Variants in LDAH observed in about 807,000 individuals in gnomAD.
LDAH encodes the protein lipid droplet associated hydrolase, also known as lipid droplet-associated hydrolase.
Under a neutral mutation model 29.6 loss-of-function variants are expected in LDAH, and 26 were observed. The ratio of observed to expected loss-of-function variants is 0.88; its 90% CI spans 0.64 to 1.22. The LOEUF (loss-of-function observed/expected upper bound fraction) is 1.22, where lower values mean the gene tolerates loss of function less well. Among genes scored for constraint, LDAH ranks in the 50% most tolerant of loss-of-function variants. LDAH has a pLI of 0.00. For missense variants in LDAH, 344 were observed against 387.3 expected (o/e 0.89, Z 0.94); for synonymous variants, 117 against 133.0 (o/e 0.88, Z 0.83).
intron 4 of LDAH, among the ~76,000 whole-genome samples, chr2:20,767,354 C>T (rs1669113730): frequency 6.6e-6 from 1 of 152,222 alleles, no homozygotes; most frequent in Admixed American, 6.5e-5. Context: ...TCTCCCTGCT[C>T]CTGGTGCCCG....
Position 20,790,298 on chromosome 2 carries a change from A to G in LDAH, c.255T>C (p.His85=), listed in dbSNP as rs1431780979. The change falls in exon 3 of 7, where the codon CAT becomes CAC. Residue 85 remains histidine (H), a synonymous_variant. Coordinates refer to ENST00000237822, the MANE Select transcript of LDAH (RefSeq NM_021925.4). The part of the protein sequence containing the change: ...FPVWTISHAG[H]ALAPKDKKIL... Reference sequence around the variant, plus strand: ...TCTTCTTGTCTTTGGGAGCCAACGCATGCCCAGCATGACTGATAGTCCAAA... The same window carrying G: ...TCTTCTTGTCTTTGGGAGCCAACGCGTGCCCAGCATGACTGATAGTCCAAA... 2 of 1,614,176 alleles carry G rather than the reference A, an allele frequency of 1.2e-6. No homozygotes were observed. The highest frequency in any genetic ancestry group is 4.5e-5 in the East Asian group (2 of 44,878).
intron 3 of LDAH, chr2:20,789,326 C>G (rs1670779239): frequency 6.5e-7 from 1 of 1,536,088 alleles, no homozygotes; most frequent in African/African-American, 1.4e-5. Context: ...CACGAGAGGA[C>G]AGCAAGAATG....
intron 6 of LDAH, among the ~76,000 whole-genome samples, chr2:20,696,610 CCCCT>C (rs1337355255): frequency 2.6e-5 from 4 of 152,196 alleles, no homozygotes; most frequent in African/African-American, 9.6e-5. Context: ...TAGAATTCCC[CCCCT>C]AAGTGGGTTT....
chr2:20,787,915 T>C, intron 3 of LDAH, among the ~76,000 whole-genome samples: 1 of 152,338 alleles, frequency 6.6e-6, no homozygotes, highest in East Asian at 1.9e-4. Flanking sequence ...CTAGAAAATA[T>C]CTGAGCTATT....
chr2:20,738,220 C>A (rs925409736), intron 5 of LDAH, among the ~76,000 whole-genome samples: 4 of 150,344 alleles, frequency 2.7e-5, no homozygotes, highest in Non-Finnish European at 5.9e-5. Flanking sequence ...CCACTGCACT[C>A]CAGCCTGGGC....
chr2:20,699,346 C>G (rs907261880), intron 6 of LDAH, among the ~76,000 whole-genome samples: 1 of 152,154 alleles, frequency 6.6e-6, no homozygotes, highest in African/African-American at 2.4e-5. Flanking sequence ...AGGCAGGAAG[C>G]AATGCCCACT....
At chr2:20,798,719 A>C in intron 2 of LDAH, among the ~76,000 whole-genome samples, 1 of 151,886 alleles carries the variant, frequency 6.6e-6, no homozygotes. Context: ...GGAGAAGGGA[A>C]AGTATAAGAA....
At chr2:20,683,397 A>G (rs978886891), downstream of LDAH, among the ~76,000 whole-genome samples, 1 of 152,226 alleles carries the variant, frequency 6.6e-6, no homozygotes, top group Admixed American at 6.5e-5. Context: ...ACTCAGTCCC[A>G]GCCTCCAACC....
At chr2:20,821,879 T>A (rs1673339285) in intron 1 of LDAH, among the ~76,000 whole-genome samples, 1 of 152,226 alleles carries the variant, frequency 6.6e-6, no homozygotes, top group African/African-American at 2.4e-5. Context: ...TGTGTTGCCC[T>A]GATTATCCCC....
chr2:20,805,540 G>A (rs1453313742), intron 1 of LDAH, among the ~76,000 whole-genome samples: 1 of 152,128 alleles, frequency 6.6e-6, no homozygotes, highest in Non-Finnish European at 1.5e-5. Flanking sequence ...ACTGGTAAAG[G>A]ATAATGGCAC....
At position 20,685,622 on chromosome 2, in the gene LDAH, G is replaced by T. The variant is rs1458050971; in HGVS notation, c.*1281C>A. On this transcript the variant is annotated 3_prime_UTR_variant, in exon 7 of 7. Coordinates refer to ENST00000237822, the MANE Select transcript of LDAH (RefSeq NM_021925.4). ...GATTTGAGCGGAGGGACATCTCATT[G>T]TCCTTAGGGAATGATAATGCCATGA... 1 of 1,550,422 alleles carries T rather than the reference G, an allele frequency of 6.4e-7. No homozygotes were observed. The highest frequency in any genetic ancestry group is 1.2e-5 in the South Asian group (1 of 84,038).
intron 4 of LDAH, among the ~76,000 whole-genome samples, chr2:20,770,386 G>A (rs1669332161): frequency 6.6e-6 from 1 of 152,104 alleles, no homozygotes; most frequent in African/African-American, 2.4e-5. Flanking sequence ...ATCATTAAAG[G>A]TTATATAAAT....
intron 1 of LDAH, among the ~76,000 whole-genome samples, chr2:20,809,803 G>A (rs891165775): frequency 2.6e-5 from 4 of 152,134 alleles, no homozygotes; most frequent in African/African-American, 9.7e-5. Flanking sequence ...ATTCAGGGAG[G>A]AGACTGATTT....
chr2:20,769,541 C>T (rs543388995), intron 4 of LDAH, among the ~76,000 whole-genome samples: 2 of 152,278 alleles, frequency 1.3e-5, no homozygotes, highest in South Asian at 2.1e-4. Context: ...ACCACAGTCT[C>T]AATAATCTCA....
At chr2:20,714,108 C>A (rs1664978739) in intron 5 of LDAH, among the ~76,000 whole-genome samples, 1 of 152,082 alleles carries the variant, frequency 6.6e-6, no homozygotes, top group African/African-American at 2.4e-5. Context: ...GCACTTATTC[C>A]AAAATTGACC....
chr2:20,727,812 T>C (rs1666122733), intron 5 of LDAH, among the ~76,000 whole-genome samples: 1 of 152,188 alleles, frequency 6.6e-6, no homozygotes, highest in South Asian at 2.1e-4. Flanking sequence ...ATATGTTCTT[T>C]AAAAATAACA....
intron 5 of LDAH, among the ~76,000 whole-genome samples, chr2:20,708,940 T>C (rs1349433422): frequency 1.3e-5 from 2 of 152,194 alleles, no homozygotes; most frequent in African/African-American, 4.8e-5. Context: ...CTAGCCATAA[T>C]ATATAAAGAA....
chr2:20,737,827 C>G (rs139141077), intron 5 of LDAH, among the ~76,000 whole-genome samples: 1 of 152,102 alleles, frequency 6.6e-6, no homozygotes, highest in East Asian at 1.9e-4. Flanking sequence ...TAAGGCATTC[C>G]GAGCCTCTAG....
intron 1 of LDAH, among the ~76,000 whole-genome samples, chr2:20,821,720 C>G (rs1324131798): frequency 6.6e-6 from 1 of 152,040 alleles, no homozygotes; most frequent in Non-Finnish European, 1.5e-5. Context: ...ACATATGTAA[C>G]AAACCTGCAC....
Sources: allele counts gnomAD v4.1 joint callset (sites outside exome capture counted in the v4.1 genomes callset), GRCh38; gene constraint gnomAD v4.1.1; transcripts MANE v1.5; gene names NCBI Gene and HGNC (gene_info 2026-07-23, HGNC 2026-07-21).